Variants in CDC34 observed in about 807,000 individuals in gnomAD.
The protein encoded by CDC34 is ubiquitin-conjugating enzyme E2 R1.
A neutral mutation model predicts 26.8 loss-of-function variants in CDC34; 18 were observed. The observed-to-expected ratio is 0.67, with a 90% CI of 0.47 to 1.00. The LOEUF is 1.00. Ranked by LOEUF, CDC34 falls within the 50% of genes least tolerant of loss-of-function variation. CDC34 has a pLI of 0.00. For synonymous variants in CDC34, 178 were observed against 147.5 expected, an observed-to-expected ratio of 1.21 and a Z score of -1.50; for missense variants, 280 against 334.5, an observed-to-expected ratio of 0.84 and a Z score of 1.27.
intron 1 of CDC34, among the ~76,000 whole-genome samples, chr19:533,412 G>C (rs1281864194): frequency 6.6e-6 from 1 of 152,266 alleles, no homozygotes; most frequent in African/African-American, 2.4e-5. Flanking sequence ...TGTGAGGGCA[G>C]CAGCCTGGTC....
chr19:534,301 C>T (rs1979624374), intron 1 of CDC34, among the ~76,000 whole-genome samples: 1 of 151,992 alleles, frequency 6.6e-6, no homozygotes, highest in Non-Finnish European at 1.5e-5. Flanking sequence ...ACAGAGGACA[C>T]CCCCCAAGAC....
chr19:532,457 G>T (rs905095657), intron 1 of CDC34, among the ~76,000 whole-genome samples: 2 of 152,184 alleles, frequency 1.3e-5, no homozygotes, highest in Admixed American at 6.5e-5. Flanking sequence ...CTTGGCGGGG[G>T]CTGGACCCCG....
intron 1 of CDC34, among the ~76,000 whole-genome samples, chr19:533,740 C>T (rs191244510): frequency 6.6e-6 from 1 of 152,330 alleles, no homozygotes; most frequent in Admixed American, 6.5e-5. Flanking sequence ...TCCGGTTTTC[C>T]GGATTTCCCA....
In CDC34 at chr19:537,017, A is replaced by G. The variant is rs564209470; in HGVS notation, c.367A>G (p.Ile123Val). ...TCCGACCCACTCTCCCCACAGGACC[A>G]TTCTCCTGAGTGTGATCTCCCTCCT... ...RWNPTQNVRT[I>V]LLSVISLLNE... Residue 123 changes from isoleucine (I) to valine (V), a missense_variant, in exon 4 of 5, where the codon ATT becomes GTT. Coordinates refer to ENST00000215574, the MANE Select transcript of CDC34 (RefSeq NM_004359.2). The G allele has an allele frequency of 6.2e-7, 1 of 1,613,590 alleles. No individual in the cohort carries two copies. Among genetic ancestry groups the G allele is most frequent in the South Asian group, 1.1e-5 (1 of 91,090 alleles).
chr19:540,004 G>GC (rs757584923), intron 4 of CDC34, among the ~76,000 whole-genome samples: 1,415 of 86,934 alleles, frequency 0.016, 36 homozygotes, highest in South Asian at 0.051. Flanking sequence ...GGGTGGCCAG[G>GC]CCCCCAGGTT....
At position 531,980 on chromosome 19, in the gene CDC34, C is replaced by G; in HGVS notation, c.49C>G (p.Leu17Val). 6.7e-7 allele frequency: 1 copy of G among 1,485,742 alleles called. No individual in the cohort carries two copies. The highest frequency in any genetic ancestry group is 8.9e-7 in the Non-Finnish European group (1 of 1,125,086). 92.0% of individuals were successfully genotyped at this position (1,485,742 alleles called of 1,614,324 possible). A position where few individuals can be genotyped will look rare whatever the true frequency, so the allele number is the denominator to read the frequency against. ...CTCGCAGAAGGCGCTGCTGCTGGAG[C>G]TCAAGGGGCTGCAGGAAGAGCCGGT... is the stretch of plus-strand genomic sequence containing the variant. ...PSSQKALLLE[L>V]KGLQEEPVEG... Residue 17 changes from leucine (L) to valine (V), a missense_variant, in exon 1 of 5, where the codon CTC becomes GTC. By Grantham distance (32) the Leu-to-Val change is conservative. Transcript: ENST00000215574.
rs1979748479 is a variant in CDC34, at chr19:536,321, A to C, written c.343A>C (p.Asn115His). ...QSGELPSERW[N>H]PTQNVRTILL... ...CGGGGAGCTGCCCTCAGAGAGGTGG[A>C]ACCCCACGCAGAACGTCAGGTAAGC... The change falls in exon 3 of 5, where the codon AAC becomes CAC. Residue 115 changes from asparagine (N) to histidine (H), a missense_variant. Coordinates refer to ENST00000215574, the MANE Select transcript of CDC34 (RefSeq NM_004359.2). 6.2e-7 allele frequency: 1 copy of C among 1,612,020 alleles called. No individual in the cohort carries two copies. Among genetic ancestry groups the C allele is most frequent in the Non-Finnish European group, 8.5e-7 (1 of 1,179,616 alleles).
chr19:536,017 T>C, intron 2 of CDC34, 94 bp downstream of exon 2: 1 of 1,288,828 alleles, frequency 7.8e-7, no homozygotes, highest in Non-Finnish European at 1.1e-6. Context: ...CCCGGGGCGC[T>C]GGGAGCCTCA....
In CDC34 at chr19:537,146, C is replaced by CGGTGAGGGCG; in HGVS notation, c.497+2_497+11dup. ...GGATCGGGAGTACACAGACATCATCCGGTGAGGGCGGGCGGGGGCGTCACG... is the reference window on the plus strand; with the variant it reads ...GGATCGGGAGTACACAGACATCATCCGGTGAGGGCGGGTGAGGGCGGGCGGGGGCGTCACG... On this transcript the variant is annotated stop_gained and frameshift_variant and splice_region_variant, in exon 4 of 5. Coordinates refer to ENST00000215574, the MANE Select transcript of CDC34 (RefSeq NM_004359.2). LOFTEE classifies it high-confidence loss of function. The CGGTGAGGGCG allele has an allele frequency of 6.2e-7, 1 of 1,612,926 alleles. No homozygotes were observed. Among genetic ancestry groups the CGGTGAGGGCG allele is most frequent in the Non-Finnish European group, 8.5e-7 (1 of 1,179,856 alleles).
At chr19:537,921 T>C (rs1286158387) in intron 4 of CDC34, among the ~76,000 whole-genome samples, 1 of 152,244 alleles carries the variant, frequency 6.6e-6, no homozygotes, top group Non-Finnish European at 1.5e-5. Context: ...CCTCCCAAAG[T>C]GCTGGGATGA....
At position 541,967 on chromosome 19, in the gene CDC34, G is replaced by C; in HGVS notation, c.*415G>C. On this transcript the variant is annotated 3_prime_UTR_variant, in exon 5 of 5. Transcript: ENST00000215574. Reference sequence around the variant, plus strand: ...CAGGTGTAGCGGTCCGAGGGGCCCGGTCCTGCCTGTCAGCTCCAGGTCCTG... The same window carrying C: ...CAGGTGTAGCGGTCCGAGGGGCCCGCTCCTGCCTGTCAGCTCCAGGTCCTG... 1 of 161,340 alleles carries C rather than the reference G, an allele frequency of 6.2e-6. No homozygotes were observed. Among genetic ancestry groups the C allele is most frequent in the Non-Finnish European group, 1.4e-5 (1 of 73,802 alleles). The allele number at this position is 161,340 out of a possible 1,614,324, so 10.0% of individuals were successfully genotyped here.
intron 1 of CDC34, among the ~76,000 whole-genome samples, chr19:535,376 C>T (rs1246199210): frequency 6.6e-6 from 1 of 152,258 alleles, no homozygotes; most frequent in Non-Finnish European, 1.5e-5. Context: ...ATCATCTGTG[C>T]TAACCCTCCC....
Position 541,513 on chromosome 19 carries a change from C to T in CDC34, c.672C>T (p.Phe224=), listed in dbSNP as rs777308193. ...GEVEEEADSC[F]GDDEDDSGTE... ...TGGAGGAGGAGGCCGACAGCTGCTTCGGGGACGATGAGGATGACTCTGGCA... is the reference window on the plus strand; with the variant it reads ...TGGAGGAGGAGGCCGACAGCTGCTTTGGGGACGATGAGGATGACTCTGGCA... The change falls in exon 5 of 5, where the codon TTC becomes TTT. Residue 224 remains phenylalanine (F), a synonymous_variant. Coordinates refer to ENST00000215574, the MANE Select transcript of CDC34 (RefSeq NM_004359.2). 32 of 1,607,642 alleles carry T rather than the reference C, an allele frequency of 2.0e-5. No homozygotes were observed. The East Asian group carries it at 6.3e-4, about 31-fold the overall frequency.
chr19:540,945 C>T (rs1475659922), intron 4 of CDC34, among the ~76,000 whole-genome samples: 1 of 152,204 alleles, frequency 6.6e-6, no homozygotes, highest in Non-Finnish European at 1.5e-5. Context: ...GCCTCCTGTC[C>T]TTGGGCCCTC....
In CDC34 at chr19:541,488, T is replaced by TGGA; in HGVS notation, c.656_658dup (p.Glu219dup). ...GACGACTACTACGAGGACGGCGAGGTGGAGGAGGAGGCCGACAGCTGCTTC... is the reference window on the plus strand; with the variant it reads ...GACGACTACTACGAGGACGGCGAGGTGGAGGAGGAGGAGGCCGACAGCTGCTTC... On this transcript the variant is annotated inframe_insertion, in exon 5 of 5. Transcript: ENST00000215574. 1 of 1,611,100 alleles carries TGGA rather than the reference T, an allele frequency of 6.2e-7. No individual in the cohort carries two copies. Among genetic ancestry groups the TGGA allele is most frequent in the Non-Finnish European group, 8.5e-7 (1 of 1,178,858 alleles).
At position 541,335 on chromosome 19, in the gene CDC34, C is replaced by G. The variant is rs749482311; in HGVS notation, c.498-4C>G. The stretch of plus-strand genomic sequence containing the variant: ...TGGCGCCCTCACCCACCCTGTCCCC[C>G]CAGGAAGCAGGTCCTGGGGACCAAG... On this transcript the variant is annotated splice_region_variant and splice_polypyrimidine_tract_variant and intron_variant, in intron 4 of 4. Transcript: ENST00000215574. 1.9e-6 allele frequency: 3 copies of G among 1,558,758 alleles called. No individual in the cohort carries two copies. The highest frequency in any genetic ancestry group is 2.2e-4 in the Middle Eastern group (1 of 4,504).
intron 2 of CDC34, 114 bp from the exon 3 acceptor site, chr19:536,129 G>A (rs1979736186): frequency 5.5e-6 from 5 of 902,428 alleles, no homozygotes; most frequent in South Asian, 3.2e-5. Context: ...TCCGGGACCC[G>A]GGGCGCTGGG....
rs1048139919 is a variant in CDC34 at position 531,791 on chromosome 19, G to A, written c.-141G>A. ...GCTGGAGCGCTCGGGGTCCCCGGGCGGCGGCGGCGGCGCAGAGGAGGAGGC... is the reference window on the plus strand; with the variant it reads ...GCTGGAGCGCTCGGGGTCCCCGGGCAGCGGCGGCGGCGCAGAGGAGGAGGC... On this transcript the variant is annotated 5_prime_UTR_variant, in exon 1 of 5. Coordinates refer to ENST00000215574, the MANE Select transcript of CDC34 (RefSeq NM_004359.2). The A allele has an allele frequency of 3.4e-4, 86 of 251,156 alleles. No individual in the cohort carries two copies. The highest frequency in any genetic ancestry group is 9.6e-4 in the Admixed American group (15 of 15,680). 15.6% of individuals were successfully genotyped at this position (251,156 alleles called of 1,614,324 possible). A position where few individuals can be genotyped will look rare whatever the true frequency, so the allele number is the denominator to read the frequency against.
chr19:538,087 A>G (rs1020832008), intron 4 of CDC34, among the ~76,000 whole-genome samples: 2 of 152,178 alleles, frequency 1.3e-5, no homozygotes, highest in African/African-American at 4.8e-5. Flanking sequence ...CTGTGCCTTA[A>G]TGAAGAAATG....
Sources: gnomAD v4.1 joint callset for allele counts (sites outside exome capture counted in the v4.1 genomes callset) on GRCh38, gnomAD v4.1.1 for gene constraint, MANE v1.5 for transcripts, NCBI Gene and HGNC (gene_info 2026-07-23, HGNC 2026-07-21) for gene names.